Variants in MYH13 observed in about 807,000 individuals in gnomAD.
MYH13 encodes myosin-13.
MYH13 carries 177 observed loss-of-function variants against 232.1 expected under a neutral mutation model. That is an observed-to-expected ratio of 0.76 (90% CI 0.67 to 0.86). The LOEUF is 0.86. Among genes scored for constraint, MYH13 ranks in the 40% least tolerant of loss-of-function variants. MYH13 has a pLI of 0.00. For synonymous variants in MYH13, 884 were observed against 923.5 expected, an observed-to-expected ratio of 0.96 and a Z score of 0.78; for missense variants, 2,246 against 2,405.9, an observed-to-expected ratio of 0.93 and a Z score of 1.39.
At position 10,309,511 on chromosome 17, in the gene MYH13, A is replaced by T. The variant is rs750564514; in HGVS notation, c.4965+11T>A. On this transcript the variant is annotated intron_variant, in intron 34 of 40. Coordinates refer to ENST00000252172, the MANE Select transcript of MYH13 (RefSeq NM_003802.3). Reference sequence around the variant, plus strand: ...CCCGTCCAGGTACGCAGAGGCGGCCACCGTGCTCACCTTGAGCTGGCCCTG... The same window carrying T: ...CCCGTCCAGGTACGCAGAGGCGGCCTCCGTGCTCACCTTGAGCTGGCCCTG... The T allele has an allele frequency of 1.7e-5, 27 of 1,602,772 alleles. No individual in the cohort carries two copies. The highest frequency in any genetic ancestry group is 2.3e-5 in the Non-Finnish European group (27 of 1,173,770).
In MYH13 at chr17:10,306,495, C is replaced by G; in HGVS notation, c.5430G>C (p.Lys1810Asn). 1 of 1,614,164 alleles carries G rather than the reference C, an allele frequency of 6.2e-7. No homozygotes were observed. Among genetic ancestry groups the G allele is most frequent in the Non-Finnish European group, 8.5e-7 (1 of 1,180,026 alleles). The stretch of plus-strand genomic sequence containing the variant: ...GTTTCTGGATCTGCTTCTTCCCGCC[C>G]TTCAGCGCCAGTTGTTCAGCCTCAT... Reference protein sequence around the residue: ...RLDEAEQLALKGGKKQIQKLE... With the variant: ...RLDEAEQLALNGGKKQIQKLE... Residue 1810 changes from lysine (K) to asparagine (N), a missense_variant, in exon 37 of 41, where the codon AAG (lysine) becomes AAC (asparagine). By Grantham distance (94) the Lys-to-Asn change is moderately conservative. Transcript: ENST00000252172. The surrounding 1 kb of genome is among the most constrained non-coding windows in gnomAD (Gnocchi z 4.3).
chr17:10,365,258 G>A (rs375859789), intron 2 of MYH13, among the ~76,000 whole-genome samples: 6 of 152,290 alleles, frequency 3.9e-5, no homozygotes, highest in East Asian at 1.9e-4. Context: ...TTTGAAAATC[G>A]TCACTGGAAT....
chr17:10,310,506 CTT>C (rs1291754626), intron 33 of MYH13, among the ~76,000 whole-genome samples: 2 of 152,170 alleles, frequency 1.3e-5, no homozygotes, highest in African/African-American at 4.8e-5. Context: ...GGGACTAAAA[CTT>C]TGCATCGCTC....
intron 20 of MYH13, 62 bp from the exon 21 acceptor site, chr17:10,330,585 G>T: frequency 6.5e-7 from 1 of 1,546,306 alleles, no homozygotes; most frequent in Non-Finnish European, 8.7e-7. Flanking sequence ...CCGGGCCCTT[G>T]AGGGGGCCTG....
Position 10,319,600 on chromosome 17 carries a change from C to T in MYH13, c.3349-421G>A, listed in dbSNP as rs548194714. Among the ~76,000 whole-genome samples the T allele has an allele frequency of 2.6e-5, 4 of 151,846 alleles. No individual in the cohort carries two copies. In the East Asian group the frequency reaches 5.8e-4, roughly 22 times the overall value. On this transcript the variant is annotated intron_variant, in intron 26 of 40. Coordinates refer to ENST00000252172, the MANE Select transcript of MYH13 (RefSeq NM_003802.3). ...TCCATGGATAAGAGAATGCACAAAT[C>T]GATTGTGATGGAGACTTGTTCTAGA...
rs1906196156 is a variant in MYH13 at position 10,304,095 on chromosome 17, GATCATAC to G, written c.5467-604_5467-598del. ...GAACACATGGTCACAGTAAAGGGAAGATCATACACTGGGACCTGTCAGGGGGCAGGGG... is the reference window on the plus strand; with the variant it reads ...GAACACATGGTCACAGTAAAGGGAAGACTGGGACCTGTCAGGGGGCAGGGG... On this transcript the variant is annotated intron_variant, in intron 37 of 40. Coordinates refer to ENST00000252172, the MANE Select transcript of MYH13 (RefSeq NM_003802.3). The surrounding 1 kb of genome is among the most constrained non-coding windows in gnomAD (Gnocchi z 5.3). Among the ~76,000 whole-genome samples, 1 of 152,146 alleles carries G rather than the reference GATCATAC, an allele frequency of 6.6e-6. No individual in the cohort carries two copies. Among genetic ancestry groups the G allele is most frequent in the Non-Finnish European group, 1.5e-5 (1 of 68,014 alleles).
intron 33 of MYH13, among the ~76,000 whole-genome samples, chr17:10,310,405 T>A (rs1045192653): frequency 1.3e-5 from 2 of 152,154 alleles, no homozygotes; most frequent in African/African-American, 4.8e-5. Context: ...AAATAGGTAT[T>A]CTTATACCCA....
At chr17:10,318,710 G>T in intron 27 of MYH13, 80 bp downstream of exon 27, 1 of 1,557,106 alleles carries the variant, frequency 6.4e-7, no homozygotes, top group Non-Finnish European at 8.8e-7. Context: ...TGGTTTGGAG[G>T]CATCAAATTA....
intron 22 of MYH13, among the ~76,000 whole-genome samples, chr17:10,326,291 A>G (rs993234837): frequency 2.0e-5 from 3 of 152,226 alleles, no homozygotes; most frequent in Admixed American, 2.0e-4. Context: ...TACCTGGGAA[A>G]GTGCTCCTAT....
At chr17:10,338,702 T>TG (rs1555550858) in intron 18 of MYH13, among the ~76,000 whole-genome samples, 89 of 142,438 alleles carry the variant, frequency 6.2e-4, no homozygotes, top group African/African-American at 1.9e-3. Flanking sequence ...TTTTTTTTTT[T>TG]TTTGTTTGTT....
rs1906273701 is a variant in MYH13, at chr17:10,306,155, TG to T, written c.5466+303del. Among the ~76,000 whole-genome samples the T allele has an allele frequency of 6.6e-6, 1 of 151,556 alleles. No homozygotes were observed. The highest frequency in any genetic ancestry group is 2.1e-4 in the South Asian group (1 of 4,818). On this transcript the variant is annotated intron_variant, in intron 37 of 40. Transcript: ENST00000252172. The surrounding 1 kb of genome is among the most constrained non-coding windows in gnomAD (Gnocchi z 4.3). The stretch of plus-strand genomic sequence containing the variant: ...CGTGCATCTGAATCTGCATAGCAAA[TG>T]GAATGTGAACATTAACATACATCAT...
rs773405266 is a variant in MYH13, at chr17:10,350,538, T to G, written c.1144+18A>C. ...ACATAGATGGACCCAATCGCATCCC[T>G]TTCCCAGATGCAGTTACCTTCGGTG... On this transcript the variant is annotated intron_variant, in intron 12 of 40. Transcript: ENST00000252172. The G allele has an allele frequency of 6.2e-7, 1 of 1,609,932 alleles. No individual in the cohort carries two copies. The highest frequency in any genetic ancestry group is 1.7e-5 in the Admixed American group (1 of 59,662).
intron 8 of MYH13, 22 bp from the exon 9 acceptor site, chr17:10,355,169 A>G (rs937383161): frequency 1.3e-6 from 2 of 1,558,202 alleles, no homozygotes; most frequent in African/African-American, 2.7e-5. Context: ...CAGGTGGACA[A>G]ATGTTACGGT....
chr17:10,366,381 G>GTTTTTTTTGTTTTTTTTTTTT (rs1356453405), intron 2 of MYH13, among the ~76,000 whole-genome samples: 1 of 112,640 alleles, frequency 8.9e-6, no homozygotes, highest in African/African-American at 3.2e-5. Context: ...AAATAAATCT[G>GTTTTTTTTGTTTTTTTTTTTT]TTTTTTTTTT....
intron 3 of MYH13, 63 bp from the exon 4 acceptor site, chr17:10,362,566 CTGGTG>C: frequency 6.2e-7 from 1 of 1,600,336 alleles, no homozygotes; most frequent in Non-Finnish European, 8.6e-7. Context: ...TTGCACTTTA[CTGGTG>C]TGGTGGAAGT....
chr17:10,357,809 T>C lies in MYH13; in HGVS notation c.664A>G (p.Ile222Val). 1 of 1,613,812 alleles carries C rather than the reference T, an allele frequency of 6.2e-7. No individual in the cohort carries two copies. Among genetic ancestry groups the C allele is most frequent in the Non-Finnish European group, 8.5e-7 (1 of 1,179,800 alleles). Reference sequence around the variant, plus strand: ...TCCAGCAGTGGGTTGGCCTGGATGATCTGATCCTCTAGGGTTCCCTAATAA... The same window carrying C: ...TCCAGCAGTGGGTTGGCCTGGATGACCTGATCCTCTAGGGTTCCCTAATAA... ...GKMQGTLEDQ[I>V]IQANPLLEAF... is the part of the protein sequence containing the mutation. The change falls in exon 8 of 41, where the codon ATC (isoleucine) becomes GTC (valine). Residue 222 changes from isoleucine (I) to valine (V), a missense_variant. Physicochemically the swap from Ile to Val is conservative, Grantham distance 29. Coordinates refer to ENST00000252172, the MANE Select transcript of MYH13 (RefSeq NM_003802.3).
intron 20 of MYH13, 134 bp from the exon 21 acceptor site, chr17:10,330,657 G>T: frequency 7.8e-7 from 1 of 1,278,968 alleles, no homozygotes; most frequent in Non-Finnish European, 1.1e-6. Flanking sequence ...TCTGTTTCCA[G>T]GACTTGCTTC....
chr17:10,355,457 A>AGTTC (rs2071741840), intron 8 of MYH13, among the ~76,000 whole-genome samples: 1 of 152,184 alleles, frequency 6.6e-6, no homozygotes, highest in African/African-American at 2.4e-5. Flanking sequence ...TCATAAACTC[A>AGTTC]ATAATTCTGT....
intron 5 of MYH13, among the ~76,000 whole-genome samples, chr17:10,361,017 C>T (rs960419509): frequency 2.6e-5 from 4 of 152,166 alleles, no homozygotes; most frequent in Non-Finnish European, 5.9e-5. Context: ...GACACCTTGA[C>T]TTCGGACTTC....
Sources: allele counts gnomAD v4.1 joint callset (sites outside exome capture counted in the v4.1 genomes callset), GRCh38; gene constraint gnomAD v4.1.1; non-coding constraint Gnocchi (gnomAD v3.1); transcripts MANE v1.5; gene names NCBI Gene and HGNC (gene_info 2026-07-23, HGNC 2026-07-21).